SLIT3: variants seen among roughly 807,000 people sequenced by gnomAD.
SLIT3 encodes slit guidance ligand 3, also known as slit homolog 3 protein.
SLIT3 carries 68 observed loss-of-function variants against 184.0 expected under a neutral mutation model. That is an observed-to-expected ratio of 0.37 (90% CI 0.30 to 0.45). The LOEUF (loss-of-function observed/expected upper bound fraction) is 0.45. Among genes scored for constraint, SLIT3 ranks in the 20% least tolerant of loss-of-function variants. The pLI is 1.00. For synonymous variants in SLIT3, 831 were observed against 828.6 expected (o/e 1.00, Z -0.05); for missense variants, 1,707 against 2,026.0 (o/e 0.84, Z 3.02).
intron 4 of SLIT3, among the ~76,000 whole-genome samples, chr5:169,140,121 C>T (rs796657807): frequency 7.9e-5 from 12 of 151,852 alleles, no homozygotes; most frequent in Admixed American, 2.6e-4. Flanking sequence ...AAAGTCCTGA[C>T]GGTGGGCAAG....
chr5:169,213,555 A>T (rs113594314), intron 3 of SLIT3, among the ~76,000 whole-genome samples: 17 of 152,172 alleles, frequency 1.1e-4, no homozygotes, highest in Non-Finnish European at 2.1e-4. Flanking sequence ...CTTTCTTCAG[A>T]TCTCTCTTCA....
chr5:168,939,388 T>C (rs2113200133), intron 4 of SLIT3, among the ~76,000 whole-genome samples: 1 of 152,266 alleles, frequency 6.6e-6, no homozygotes, highest in Admixed American at 6.5e-5. Flanking sequence ...GCTTAATAGA[T>C]CCCACAAATA....
At chr5:168,917,225 G>A (rs185535688) in intron 4 of SLIT3, among the ~76,000 whole-genome samples, 44 of 152,286 alleles carry the variant, frequency 2.9e-4, no homozygotes, top group African/African-American at 9.1e-4. Context: ...AGATCAAGTG[G>A]AGGTGAGCTT....
chr5:169,279,721 T>A (rs1766932618), intron 1 of SLIT3, among the ~76,000 whole-genome samples: 1 of 152,208 alleles, frequency 6.6e-6, no homozygotes, highest in Non-Finnish European at 1.5e-5. Flanking sequence ...GAATGCTTAG[T>A]GGTTGACAAG....
intron 11 of SLIT3, among the ~76,000 whole-genome samples, chr5:168,786,282 T>G (rs535661110): frequency 6.6e-6 from 1 of 152,166 alleles, no homozygotes; most frequent in Admixed American, 6.5e-5. Context: ...CTCCCTAAGC[T>G]GCTAATATGA....
At chr5:168,922,273 T>C (rs1030190881) in intron 4 of SLIT3, among the ~76,000 whole-genome samples, 4 of 151,820 alleles carry the variant, frequency 2.6e-5, no homozygotes, top group African/African-American at 9.7e-5. Flanking sequence ...CTGGCGAACA[T>C]GGTGAAACCC....
rs1754583874 is a variant in SLIT3 at position 168,748,534 on chromosome 5, C to T, written c.2138-100G>A. 2.0e-5 allele frequency: 24 copies of T among 1,201,512 alleles called. 2 individuals carry two copies. In the South Asian group the frequency reaches 3.9e-4, roughly 19 times the overall value. 74.4% of individuals were successfully genotyped at this position (1,201,512 alleles called of 1,614,324 possible). On this transcript the variant is annotated intron_variant, in intron 19 of 35. Transcript: ENST00000519560. ...GTGTTCTCCACAAAGACAAGTTGTC[C>T]CCTGTCCCCGCTGTGTTCTAGAACC...
chr5:169,198,737 G>T (rs1019328082), intron 3 of SLIT3, among the ~76,000 whole-genome samples: 1 of 152,016 alleles, frequency 6.6e-6, no homozygotes, highest in African/African-American at 2.4e-5. Flanking sequence ...CTCGAGACCA[G>T]CCTGGCCAAC....
chr5:168,673,260 A>C lies in SLIT3; in HGVS notation c.3758T>G (p.Val1253Gly). ...GCTCTTTGGAGTTCCTTTGTCCACT[A>C]CTAGGTTCAGGGTCTGGTTTAGCGT... is the stretch of plus-strand genomic sequence containing the variant. ...LVTLNQTLNL[V>G]VDKGTPKSLG... Residue 1253 changes from valine to glycine, a missense_variant, in exon 33 of 36, where the codon GTA becomes GGA. Physicochemically the swap from Val to Gly is moderately radical, Grantham distance 109. This residue lies in a region of SLIT3 where 387 missense variants were observed against 477.9 expected (regional missense o/e 0.81). Coordinates refer to ENST00000519560, the MANE Select transcript of SLIT3 (RefSeq NM_003062.4). 1 of 1,614,008 alleles carries C rather than the reference A, an allele frequency of 6.2e-7. No individual in the cohort carries two copies. The highest frequency in any genetic ancestry group is 8.5e-7 in the Non-Finnish European group (1 of 1,180,008).
chr5:169,200,558 A>C (rs866837924), intron 3 of SLIT3, among the ~76,000 whole-genome samples: 1 of 152,150 alleles, frequency 6.6e-6, no homozygotes, highest in Non-Finnish European at 1.5e-5. Flanking sequence ...TGATGACTAC[A>C]GACTCCGGGC....
intron 4 of SLIT3, among the ~76,000 whole-genome samples, chr5:168,961,008 C>T (rs894958861): frequency 4.6e-5 from 7 of 152,176 alleles, no homozygotes; most frequent in Non-Finnish European, 8.8e-5. Context: ...AGCCATTGAC[C>T]TTTAAAAAGC....
chr5:168,960,605 C>T (rs959349214), intron 4 of SLIT3, among the ~76,000 whole-genome samples: 12 of 152,206 alleles, frequency 7.9e-5, no homozygotes, highest in Non-Finnish European at 1.3e-4. Flanking sequence ...TGACAGGAGG[C>T]ATGTTCTTAT....
intron 4 of SLIT3, among the ~76,000 whole-genome samples, chr5:169,139,012 C>G (rs1450794905): frequency 6.6e-6 from 1 of 152,222 alleles, no homozygotes; most frequent in African/African-American, 2.4e-5. Context: ...GGCCCAGACC[C>G]TCTTTTCTCA....
intron 4 of SLIT3, among the ~76,000 whole-genome samples, chr5:168,897,648 A>ACGCGCGCGCGCGCG (rs1561994278): frequency 4.2e-5 from 2 of 47,666 alleles, no homozygotes; most frequent in Non-Finnish European, 1.1e-4. Context: ...AGGTGCACGT[A>ACGCGCGCGCGCGCG]CACACACACA....
chr5:169,081,429 G>A (rs1239782904), intron 4 of SLIT3, among the ~76,000 whole-genome samples: 1 of 152,140 alleles, frequency 6.6e-6, no homozygotes, highest in African/African-American at 2.4e-5. Flanking sequence ...AACCTGCCAT[G>A]CCCTGGGGTT....
At position 169,159,658 on chromosome 5, in the gene SLIT3, C is replaced by T. The variant is rs186808734; in HGVS notation, c.413+33821G>A. On this transcript the variant is annotated intron_variant, in intron 4 of 35. Coordinates refer to ENST00000519560, the MANE Select transcript of SLIT3 (RefSeq NM_003062.4). ...GGGCGTGGTGGCAGGCACCTGTAGG[C>T]CCAGCTACTCGGGAGGCTGAGGCAG... 1.6e-4 allele frequency among the ~76,000 whole-genome samples: 24 copies of T among 152,156 alleles called. 1 individual carries two copies. In the East Asian group the frequency reaches 4.6e-3, roughly 29 times the overall value.
At chr5:168,955,596 C>T (rs532718271) in intron 4 of SLIT3, among the ~76,000 whole-genome samples, 278 of 152,302 alleles carry the variant, frequency 1.8e-3, no homozygotes, top group Non-Finnish European at 3.3e-3. Flanking sequence ...AGTACCCACC[C>T]GATGGCAGGT....
chr5:168,806,637 C>T (rs1324042166), intron 8 of SLIT3, 50 bp from the exon 9 acceptor site: 1 of 1,607,044 alleles, frequency 6.2e-7, no homozygotes, highest in Admixed American at 1.7e-5. Context: ...CAGGAGCTGC[C>T]TGGGCTTCTG....
chr5:169,119,781 AG>A (rs1462130560), intron 4 of SLIT3: 2 of 152,132 alleles, frequency 1.3e-5, no homozygotes, highest in Non-Finnish European at 2.9e-5. Context: ...CGCTCACCTG[AG>A]TTGCTAATTA....
Sources: allele counts gnomAD v4.1 joint callset (sites outside exome capture counted in the v4.1 genomes callset), GRCh38; gene constraint gnomAD v4.1.1; regional missense constraint gnomAD v4.1.1; transcripts MANE v1.5; gene names NCBI Gene and HGNC (gene_info 2026-07-23, HGNC 2026-07-21).